The following DCDC2 variants were observed in gnomAD, a reference collection of about 807,000 sequenced individuals.
DCDC2 encodes doublecortin domain containing 2.
In DCDC2, 40 loss-of-function variants were observed where a neutral mutation model predicts 50.2. The observed-to-expected ratio is 0.80, with a 90% CI of 0.62 to 1.04. The LOEUF (loss-of-function observed/expected upper bound fraction) is 1.04, where lower values mean the gene tolerates loss of function less well. Ranked by LOEUF, DCDC2 falls within the 50% of genes least tolerant of loss-of-function variation. The pLI, the probability that DCDC2 is intolerant of heterozygous loss-of-function variation, is 0.00. For synonymous variants in DCDC2, 234 were observed against 210.6 expected (o/e 1.11, Z -0.96); for missense variants, 570 against 581.9 (o/e 0.98, Z 0.21).
chr6:24,338,258 A>G lies in DCDC2; in HGVS notation c.348+15311T>C, dbSNP rs186384616. Among the ~76,000 whole-genome samples, 843 of 152,312 alleles carry G rather than the reference A, an allele frequency of 5.5e-3. 6 individuals carry two copies. The highest frequency in any genetic ancestry group is 0.024 in the Middle Eastern group (7 of 294). On this transcript the variant is annotated intron_variant, in intron 2 of 9. Transcript: ENST00000378454. ...CACATGTGCACATGCACAAACACTC[A>G]CAGTGAGTTCCAGTTTTGTGCATCT...
At chr6:24,328,437 G>C (rs942937839) in intron 2 of DCDC2, among the ~76,000 whole-genome samples, 5 of 151,640 alleles carry the variant, frequency 3.3e-5, no homozygotes, top group African/African-American at 1.2e-4. Context: ...GAATATCTTA[G>C]GGCACAGGGG....
intron 7 of DCDC2, among the ~76,000 whole-genome samples, chr6:24,263,762 A>G (rs1763060479): frequency 6.6e-6 from 1 of 152,224 alleles, no homozygotes; most frequent in Non-Finnish European, 1.5e-5. Flanking sequence ...GGGCAAATCT[A>G]AGAGTTATTG....
intron 6 of DCDC2, among the ~76,000 whole-genome samples, chr6:24,279,994 A>G (rs892699254): frequency 6.6e-6 from 1 of 152,230 alleles, no homozygotes. Context: ...CTCACACCGT[A>G]TTGAGTGTAA....
chr6:24,219,371 T>C (rs1412936579), intron 7 of DCDC2, among the ~76,000 whole-genome samples: 1 of 152,218 alleles, frequency 6.6e-6, no homozygotes, highest in East Asian at 1.9e-4. Flanking sequence ...CTTTATGAAC[T>C]ACTAGAACCT....
intron 7 of DCDC2, among the ~76,000 whole-genome samples, chr6:24,211,033 T>C (rs1009046157): frequency 1.3e-5 from 2 of 152,220 alleles, no homozygotes; most frequent in Non-Finnish European, 2.9e-5. Context: ...CCAATTCCAG[T>C]AGCCACTCAT....
intron 7 of DCDC2, among the ~76,000 whole-genome samples, chr6:24,212,855 G>A (rs1318926103): frequency 6.6e-6 from 1 of 152,104 alleles, no homozygotes; most frequent in South Asian, 2.1e-4. Context: ...GCTGAGGTAG[G>A]GAAGTCATAT....
chr6:24,335,097 G>A (rs1273875280), intron 2 of DCDC2, among the ~76,000 whole-genome samples: 1 of 152,180 alleles, frequency 6.6e-6, no homozygotes, highest in Non-Finnish European at 1.5e-5. Context: ...GTGGCCTGAT[G>A]TAAACTATCA....
chr6:24,306,494 TTAGATAGATAGA>T lies in DCDC2; in HGVS notation c.349-4462_349-4451del, dbSNP rs28987368. ...CCCATTTCAAACCCCTGAGTGGAGA[TTAGATAGATAGA>T]TAGATAGATAGATAGATAGATAGAT... On this transcript the variant is annotated intron_variant, in intron 2 of 9. Transcript: ENST00000378454. Among the ~76,000 whole-genome samples the T allele has an allele frequency of 2.9e-3, 369 of 129,456 alleles. 1 individual carries two copies. Among genetic ancestry groups the T allele is most frequent in the Middle Eastern group, 0.011 (3 of 268 alleles). 84.9% of individuals were successfully genotyped at this position (129,456 alleles called of 152,430 possible).
At chr6:24,244,420 T>G (rs1044406897) in intron 7 of DCDC2, among the ~76,000 whole-genome samples, 1 of 152,156 alleles carries the variant, frequency 6.6e-6, no homozygotes, top group Admixed American at 6.5e-5. Context: ...CTGAGATGGG[T>G]AGAAATCACC....
chr6:24,208,490 C>T (rs1428934786), intron 7 of DCDC2, among the ~76,000 whole-genome samples: 2 of 151,786 alleles, frequency 1.3e-5, no homozygotes, highest in African/African-American at 2.4e-5. Flanking sequence ...CCTGCCTCAG[C>T]CTCCCAAGTA....
At position 24,302,021 on chromosome 6, in the gene DCDC2, C is replaced by T; in HGVS notation, c.372G>A (p.Arg124=). 1 of 1,614,000 alleles carries T rather than the reference C, an allele frequency of 6.2e-7. No homozygotes were observed. Among genetic ancestry groups the T allele is most frequent in the Non-Finnish European group, 8.5e-7 (1 of 1,179,976 alleles). ...TTCTAAAGCGAGCTGACACGTTGAT[C>T]CTGCTATGGATTACTGGTTTTACCT... ...NTEVKPVIHS[R]INVSARFRKP... The change falls in exon 3 of 10, where the codon AGG becomes AGA. Residue 124 remains arginine, a synonymous_variant. Coordinates refer to ENST00000378454, the MANE Select transcript of DCDC2 (RefSeq NM_016356.5).
chr6:24,224,159 C>T (rs1467805901), intron 7 of DCDC2, among the ~76,000 whole-genome samples: 2 of 152,186 alleles, frequency 1.3e-5, no homozygotes, highest in African/African-American at 4.8e-5. Flanking sequence ...CGGGAATGGG[C>T]TCTCTATCCA....
rs1051713659 is a variant in DCDC2, at chr6:24,171,846, T to C, written c.*2884A>G. On this transcript the variant is annotated 3_prime_UTR_variant, in exon 10 of 10. Coordinates refer to ENST00000378454, the MANE Select transcript of DCDC2 (RefSeq NM_016356.5). ...CCATTTGTTTACAAGTGTCTTAAAA[T>C]CCAGATAAGTTTAACAAAGTGGTTT... is the stretch of plus-strand genomic sequence containing the variant. The C allele has an allele frequency of 6.6e-6, 1 of 152,178 alleles. No individual in the cohort carries two copies. The highest frequency in any genetic ancestry group is 1.9e-4 in the East Asian group (1 of 5,200). 9.4% of individuals were successfully genotyped at this position (152,178 alleles called of 1,614,324 possible).
the DCDC2 span, among the ~76,000 whole-genome samples, chr6:24,371,465 G>A: frequency 1.6e-3 from 236 of 151,992 alleles, 1 homozygote; most frequent in African/African-American, 5.4e-3. Flanking sequence ...AAAATTAGCC[G>A]GGTGTGGTGG....
chr6:24,239,376 T>C (rs1178095742), intron 7 of DCDC2, among the ~76,000 whole-genome samples: 6 of 152,156 alleles, frequency 3.9e-5, no homozygotes, highest in Admixed American at 2.6e-4. Flanking sequence ...CCATCAAAGG[T>C]GGACCACCTA....
intron 4 of DCDC2, among the ~76,000 whole-genome samples, chr6:24,294,039 GA>G (rs1763809389): frequency 6.6e-6 from 1 of 152,172 alleles, no homozygotes; most frequent in Non-Finnish European, 1.5e-5. Flanking sequence ...GTGTTAAGAG[GA>G]AAATTTATAG....
At chr6:24,246,238 A>G (rs931491554) in intron 7 of DCDC2, among the ~76,000 whole-genome samples, 1 of 152,162 alleles carries the variant, frequency 6.6e-6, no homozygotes, top group African/African-American at 2.4e-5. Context: ...TGCAAGCTGA[A>G]TATTTTTCCA....
At chr6:24,184,862 T>C (rs894866475) in intron 8 of DCDC2, among the ~76,000 whole-genome samples, 12 of 152,278 alleles carry the variant, frequency 7.9e-5, no homozygotes, top group African/African-American at 2.4e-4. Context: ...CAGAACAACT[T>C]TGTTTTAGTT....
At chr6:24,322,492 C>CTTT (rs56932924) in intron 2 of DCDC2, among the ~76,000 whole-genome samples, 91,453 of 142,160 alleles carry the variant, frequency 0.64, 29,739 homozygotes, top group Non-Finnish European at 0.69. Flanking sequence ...GTTTTCCTTC[C>CTTT]TTTTTTTTTT....
Sources: gnomAD v4.1 joint callset for allele counts (sites outside exome capture counted in the v4.1 genomes callset) on GRCh38, gnomAD v4.1.1 for gene constraint, MANE v1.5 for transcripts, NCBI Gene and HGNC (gene_info 2026-07-23, HGNC 2026-07-21) for gene names.